PCGF6: variants seen among roughly 807,000 people sequenced by gnomAD.
PCGF6 encodes the protein polycomb group RING finger protein 6.
A neutral mutation model predicts 45.5 loss-of-function variants in PCGF6; 24 were observed. The observed-to-expected ratio is 0.53, with a 90% CI of 0.38 to 0.74. The LOEUF is 0.74. Ranked by LOEUF, PCGF6 falls within the 30% of genes least tolerant of loss-of-function variation. PCGF6 has a pLI of 0.00. For synonymous variants in PCGF6, 152 were observed against 162.1 expected, an observed-to-expected ratio of 0.94 and a Z score of 0.47; for missense variants, 356 against 443.2, an observed-to-expected ratio of 0.80 and a Z score of 1.77.
intron 6 of PCGF6, among the ~76,000 whole-genome samples, chr10:103,339,810 AACACACACAC>A (rs201660003): frequency 0.022 from 697 of 32,200 alleles, 21 homozygotes; most frequent in Middle Eastern, 0.11. Context: ...TCAAAAAAAA[AACACACACAC>A]ACACACACAC....
At chr10:103,314,952 C>CAA (rs1412451457) in intron 8 of PCGF6, among the ~76,000 whole-genome samples, 1 of 23,348 alleles carries the variant, frequency 4.3e-5, no homozygotes. Flanking sequence ...GAGACTCTGT[C>CAA]ATAAAAAAAA....
At chr10:103,323,781 C>T (rs747680000) in intron 8 of PCGF6, among the ~76,000 whole-genome samples, 27 of 136,318 alleles carry the variant, frequency 2.0e-4, no homozygotes, top group South Asian at 1.4e-3. Flanking sequence ...GACGGGGTTT[C>T]GCCACGTTGG....
chr10:103,347,299 TA>T lies in PCGF6; in HGVS notation c.614-3del, dbSNP rs2093303202. ...AATCATGCATTTGCTTTTTTTCTCC[TA>T]AAAAATGATAAAACACAGACTAAAT... On this transcript the variant is annotated splice_polypyrimidine_tract_variant and splice_region_variant and intron_variant, in intron 4 of 9. Transcript: ENST00000369847. 6.2e-7 allele frequency: 1 copy of T among 1,603,030 alleles called. No individual in the cohort carries two copies. The highest frequency in any genetic ancestry group is 8.5e-7 in the Non-Finnish European group (1 of 1,170,162).
chr10:103,351,058 C>G lies in PCGF6; in HGVS notation c.9G>C (p.Gly3=). 7.2e-7 allele frequency: 1 copy of G among 1,392,342 alleles called. No individual in the cohort carries two copies. Among genetic ancestry groups the G allele is most frequent in the Non-Finnish European group, 9.3e-7 (1 of 1,073,438 alleles). 86.2% of individuals were successfully genotyped at this position (1,392,342 alleles called of 1,614,324 possible). A position where few individuals can be genotyped will look rare whatever the true frequency, so the allele number is the denominator to read the frequency against. ME[G]VAVVTAGSVG... ...CGCTGCCCGCCGTCACCACCGCGAC[C>G]CCCTCCATGGTCGGGAGAGACACCA... Residue 3 remains glycine (G), a synonymous_variant, in exon 1 of 10, where the codon GGG becomes GGC. Transcript: ENST00000369847.
intron 7 of PCGF6, among the ~76,000 whole-genome samples, chr10:103,332,488 C>T (rs2093243711): frequency 6.6e-6 from 1 of 152,042 alleles, no homozygotes; most frequent in Non-Finnish European, 1.5e-5. Context: ...GTTGCCCAGA[C>T]TGGTCTTGAA....
At chr10:103,334,341 C>A (rs913557032) in intron 6 of PCGF6, among the ~76,000 whole-genome samples, 2 of 151,948 alleles carry the variant, frequency 1.3e-5, no homozygotes, top group African/African-American at 4.8e-5. Context: ...TCAACATATC[C>A]ATCAGCTCAC....
chr10:103,343,846 A>AAAAAAAAAAAAAC (rs2093289991), intron 6 of PCGF6, among the ~76,000 whole-genome samples: 1 of 150,244 alleles, frequency 6.7e-6, no homozygotes, highest in African/African-American at 2.4e-5. Context: ...AAAAAAAAAA[A>AAAAAAAAAAAAAC]AAAAGAAAGG....
At chr10:103,319,431 G>A (rs769727139) in intron 8 of PCGF6, among the ~76,000 whole-genome samples, 10 of 151,976 alleles carry the variant, frequency 6.6e-5, no homozygotes, top group Non-Finnish European at 1.3e-4. Context: ...GATTACAAGC[G>A]TGAGCCACCG....
intron 5 of PCGF6, among the ~76,000 whole-genome samples, chr10:103,346,495 G>C (rs1442439060): frequency 6.6e-6 from 1 of 151,600 alleles, no homozygotes; most frequent in Non-Finnish European, 1.5e-5. Flanking sequence ...GTAGTGGCGG[G>C]CGCCTGTAGC....
chr10:103,322,241 G>A (rs1014529416), intron 8 of PCGF6, among the ~76,000 whole-genome samples: 4 of 151,786 alleles, frequency 2.6e-5, no homozygotes, highest in African/African-American at 4.8e-5. Flanking sequence ...TATTGCTGTC[G>A]CTCAGGCTCA....
chr10:103,315,145 A>C (rs1217521193), intron 8 of PCGF6, among the ~76,000 whole-genome samples: 1 of 152,080 alleles, frequency 6.6e-6, no homozygotes, highest in Non-Finnish European at 1.5e-5. Flanking sequence ...CAATTTCAAC[A>C]AGGACTTTTC....
chr10:103,309,014 C>T (rs962494497), intron 9 of PCGF6, among the ~76,000 whole-genome samples: 2 of 152,036 alleles, frequency 1.3e-5, no homozygotes, highest in Non-Finnish European at 1.5e-5. Flanking sequence ...ATGTTTATAC[C>T]CCCATTGTAT....
chr10:103,312,760 G>C (rs1006038015), intron 9 of PCGF6, among the ~76,000 whole-genome samples: 1 of 152,128 alleles, frequency 6.6e-6, no homozygotes, highest in Non-Finnish European at 1.5e-5. Context: ...TCGGGAGTTA[G>C]AGACCAGCCT....
At chr10:103,319,076 C>G (rs2093186949) in intron 8 of PCGF6, among the ~76,000 whole-genome samples, 1 of 152,192 alleles carries the variant, frequency 6.6e-6, no homozygotes, top group Non-Finnish European at 1.5e-5. Context: ...AAAGCAAGAT[C>G]ATGCTAGAGC....
chr10:103,319,111 G>A (rs970310654), intron 8 of PCGF6, among the ~76,000 whole-genome samples: 4 of 152,154 alleles, frequency 2.6e-5, no homozygotes, highest in African/African-American at 7.2e-5. Context: ...TTTTCAATCA[G>A]TGTGCTTTGA....
At chr10:103,309,922 G>A (rs1362898871) in intron 9 of PCGF6, among the ~76,000 whole-genome samples, 2 of 151,934 alleles carry the variant, frequency 1.3e-5, no homozygotes, top group Non-Finnish European at 1.5e-5. Flanking sequence ...ATGCATTCTA[G>A]GCTGGGCAAA....
intron 7 of PCGF6, among the ~76,000 whole-genome samples, chr10:103,327,177 C>T (rs553047673): frequency 8.8e-4 from 134 of 152,100 alleles, no homozygotes; most frequent in African/African-American, 2.8e-3. Context: ...CCCAGCTACT[C>T]GGGAGGCTGA....
chr10:103,318,400 G>A (rs1360678223), intron 8 of PCGF6, among the ~76,000 whole-genome samples: 3 of 145,198 alleles, frequency 2.1e-5, no homozygotes, highest in Non-Finnish European at 3.0e-5. Context: ...CCGAGATCGC[G>A]CCACTGCACT....
At chr10:103,328,283 T>TA (rs2093226751) in intron 7 of PCGF6, among the ~76,000 whole-genome samples, 1 of 152,202 alleles carries the variant, frequency 6.6e-6, no homozygotes, top group Non-Finnish European at 1.5e-5. Context: ...TGTTCCATGT[T>TA]ACAGCACTCA....
Sources: allele counts gnomAD v4.1 joint callset (sites outside exome capture counted in the v4.1 genomes callset), GRCh38; gene constraint gnomAD v4.1.1; transcripts MANE v1.5; gene names NCBI Gene and HGNC (gene_info 2026-07-23, HGNC 2026-07-21).